Variants in GMNN observed in about 807,000 individuals in gnomAD.
GMNN encodes geminin DNA replication inhibitor.
In GMNN, 14 loss-of-function variants were observed where a neutral mutation model predicts 20.9. The ratio of observed to expected loss-of-function variants is 0.67; its 90% CI spans 0.44 to 1.05. The LOEUF (loss-of-function observed/expected upper bound fraction) is 1.05, where lower values mean the gene tolerates loss of function less well. GMNN is among the 50% of genes least tolerant of loss of function. GMNN has a pLI of 0.00. For missense variants in GMNN, 227 were observed against 243.8 expected (o/e 0.93, Z 0.46); for synonymous variants, 81 against 85.8 (o/e 0.94, Z 0.31).
intron 1 of GMNN, among the ~76,000 whole-genome samples, chr6:24,776,644 T>A (rs1205338801): frequency 6.6e-6 from 1 of 152,236 alleles, no homozygotes; most frequent in Non-Finnish European, 1.5e-5. Flanking sequence ...GCAGTTCAGA[T>A]GCTGAGTTTG....
intron 3 of GMNN, among the ~76,000 whole-genome samples, chr6:24,780,981 G>A (rs1468536846): frequency 1.3e-5 from 2 of 152,090 alleles, no homozygotes; most frequent in Non-Finnish European, 2.9e-5. Context: ...TGGGTGGATC[G>A]CCTGAGGTCA....
At chr6:24,785,075 G>T (rs1305667280) in intron 6 of GMNN, among the ~76,000 whole-genome samples, 1 of 152,032 alleles carries the variant, frequency 6.6e-6, no homozygotes, top group Non-Finnish European at 1.5e-5. Flanking sequence ...CATTTTGTAA[G>T]TAGCTAATAT....
At chr6:24,785,416 TAAA>T (rs1302362586) in intron 6 of GMNN, among the ~76,000 whole-genome samples, 1 of 149,296 alleles carries the variant, frequency 6.7e-6, no homozygotes, top group Non-Finnish European at 1.5e-5. Context: ...CAGTGCTTTT[TAAA>T]AAAAAAAGAC....
At chr6:24,780,621 T>G in intron 2 of GMNN, 42 bp from the exon 3 acceptor site, 1 of 1,081,506 alleles carries the variant, frequency 9.2e-7, no homozygotes, top group Non-Finnish European at 1.4e-6. Context: ...ATAACCATAT[T>G]GCAACTCAGT....
At chr6:24,782,143 T>C (rs1029665855) in intron 4 of GMNN, among the ~76,000 whole-genome samples, 2 of 152,060 alleles carry the variant, frequency 1.3e-5, no homozygotes, top group African/African-American at 4.8e-5. Flanking sequence ...GCTCTGATAA[T>C]TGGATTGCCT....
At chr6:24,775,680 T>C (rs367691936) in intron 1 of GMNN, 2 of 152,228 alleles carry the variant, frequency 1.3e-5, no homozygotes, top group South Asian at 2.1e-4. Context: ...GGGTTTCGCA[T>C]GGACCCTGTC....
chr6:24,784,391 G>C (rs1780295483), intron 5 of GMNN, 53 bp from the exon 6 acceptor site: 1 of 850,976 alleles, frequency 1.2e-6, no homozygotes, highest in Admixed American at 1.8e-5. Context: ...TATGTAATTT[G>C]ATTTATAGCA....
At chr6:24,775,411 C>T (rs1256096931) in intron 1 of GMNN, 167 bp downstream of exon 1, 2 of 152,280 alleles carry the variant, frequency 1.3e-5, no homozygotes. Flanking sequence ...TTGGTAGGCT[C>T]GGACGCGCGG....
chr6:24,779,688 CTTGT>C (rs1780154939), intron 2 of GMNN, among the ~76,000 whole-genome samples: 1 of 152,110 alleles, frequency 6.6e-6, no homozygotes, highest in Admixed American at 6.6e-5. Flanking sequence ...TCTTGCTAAC[CTTGT>C]TTGAGTATTC....
chr6:24,778,539 G>A (rs1488647099), intron 2 of GMNN, among the ~76,000 whole-genome samples: 3 of 152,068 alleles, frequency 2.0e-5, no homozygotes, highest in Non-Finnish European at 4.4e-5. Flanking sequence ...ATTAAATTGA[G>A]TACCTAAAAG....
At chr6:24,777,361 T>A in intron 2 of GMNN, 64 bp downstream of exon 2, 1 of 621,034 alleles carries the variant, frequency 1.6e-6, no homozygotes. Flanking sequence ...TATTTTGACA[T>A]AATTTATCCA....
In GMNN at chr6:24,784,170, G is replaced by A; in HGVS notation, c.357+1G>A. 1 of 1,411,070 alleles carries A rather than the reference G, an allele frequency of 7.1e-7. No individual in the cohort carries two copies. The highest frequency in any genetic ancestry group is 1.2e-5 in the South Asian group (1 of 85,268). The allele number at this position is 1,411,070 out of a possible 1,614,324, so 87.4% of individuals were successfully genotyped here. ...TGAAGCACTTAAGGAAAATGAGAAA[G>A]TATGTATTGAGTATAATTTGTACCA... On this transcript the variant is annotated splice_donor_variant, in intron 5 of 6. Coordinates refer to ENST00000230056, the MANE Select transcript of GMNN (RefSeq NM_015895.5). LOFTEE classifies it high-confidence loss of function.
rs2113586632 is a variant in GMNN, at chr6:24,785,626, A to C, written c.469-12A>C. The C allele has an allele frequency of 7.3e-7, 1 of 1,370,768 alleles. No individual in the cohort carries two copies. The highest frequency in any genetic ancestry group is 1.0e-6 in the Non-Finnish European group (1 of 981,478). 84.9% of individuals were successfully genotyped at this position (1,370,768 alleles called of 1,614,324 possible). A position where few individuals can be genotyped will look rare whatever the true frequency, so the allele number is the denominator to read the frequency against. ...CATTTTTACAATAAATTATTGGTTT[A>C]TTCTTTAAAAGAGACTGAATGGTGA... is the stretch of plus-strand genomic sequence containing the variant. On this transcript the variant is annotated splice_polypyrimidine_tract_variant and intron_variant, in intron 6 of 6. Transcript: ENST00000230056.
rs181048468 is a variant in GMNN at position 24,777,027 on chromosome 6, G to A, written c.-25-195G>A. On this transcript the variant is annotated intron_variant, in intron 1 of 6. Transcript: ENST00000230056. Reference sequence around the variant, plus strand: ...TCATTTTTTCAGCTATAATTATTATGTGTGTATATATGTAAAATATAGATA... The same window carrying A: ...TCATTTTTTCAGCTATAATTATTATATGTGTATATATGTAAAATATAGATA... The A allele has an allele frequency of 1.1e-3, 393 of 345,412 alleles. 6 individuals are homozygous for A. The highest frequency in any genetic ancestry group is 7.4e-3 in the African/African-American group (352 of 47,528). 21.4% of individuals were successfully genotyped at this position (345,412 alleles called of 1,614,324 possible).
At chr6:24,782,020 G>C (rs1410011052) in intron 4 of GMNN, among the ~76,000 whole-genome samples, 2 of 151,942 alleles carry the variant, frequency 1.3e-5, no homozygotes, top group African/African-American at 2.4e-5. Context: ...GTTTGTGGCC[G>C]CAATAAGCTA....
intron 2 of GMNN, 168 bp downstream of exon 2, chr6:24,777,465 A>G (rs1264882369): frequency 2.6e-6 from 1 of 389,528 alleles, no homozygotes; most frequent in East Asian, 3.9e-5. Flanking sequence ...ACGGTTGAAT[A>G]TTAAGTCTGA....
intron 3 of GMNN, 84 bp from the exon 4 acceptor site, chr6:24,781,391 CTT>C (rs1190624432): frequency 1.5e-4 from 129 of 858,794 alleles, no homozygotes; most frequent in Non-Finnish European, 5.5e-5. Flanking sequence ...TATGCGTACT[CTT>C]TTTTTAATAC....
Position 24,781,222 on chromosome 6 carries a change from T to A in GMNN, c.130-255T>A, listed in dbSNP as rs552569708. On this transcript the variant is annotated intron_variant, in intron 3 of 6. Transcript: ENST00000230056. ...CTAAAATAAAAATAAAAATAAAAAATTTTTTAAAAAATAAATAAATAATTT... is the reference window on the plus strand; with the variant it reads ...CTAAAATAAAAATAAAAATAAAAAAATTTTTAAAAAATAAATAAATAATTT... 1.6e-3 allele frequency among the ~76,000 whole-genome samples: 234 copies of A among 150,084 alleles called. 1 individual carries two copies. Among genetic ancestry groups the A allele is most frequent in the African/African-American group, 4.9e-3 (193 of 39,774 alleles).
At chr6:24,783,020 C>T (rs1417188420) in intron 4 of GMNN, among the ~76,000 whole-genome samples, 1 of 152,110 alleles carries the variant, frequency 6.6e-6, no homozygotes, top group Non-Finnish European at 1.5e-5. Context: ...CACCGTGTAT[C>T]CAGTTCTTGG....
Sources: gnomAD v4.1 joint callset for allele counts (sites outside exome capture counted in the v4.1 genomes callset) on GRCh38, gnomAD v4.1.1 for gene constraint, MANE v1.5 for transcripts, NCBI Gene and HGNC (gene_info 2026-07-23, HGNC 2026-07-21) for gene names.